The following ACOX2 variants were observed in gnomAD, a reference collection of about 807,000 sequenced individuals.
ACOX2 encodes peroxisomal acyl-coenzyme A oxidase 2.
ACOX2 carries 59 observed loss-of-function variants against 77.5 expected under a neutral mutation model. That is an observed-to-expected ratio of 0.76 (90% CI 0.62 to 0.95). The LOEUF (loss-of-function observed/expected upper bound fraction) is 0.95, where lower values mean the gene tolerates loss of function less well. Ranked by LOEUF, ACOX2 falls within the 40% of genes least tolerant of loss-of-function variation. ACOX2 has a pLI of 0.00. For missense variants in ACOX2, 837 were observed against 880.4 expected (o/e 0.95, Z 0.62); for synonymous variants, 317 against 340.1 (o/e 0.93, Z 0.75).
chr3:58,509,458 C>T (rs1047695456), intron 13 of ACOX2, among the ~76,000 whole-genome samples: 13 of 151,630 alleles, frequency 8.6e-5, no homozygotes, highest in Non-Finnish European at 1.5e-4. Flanking sequence ...ACCTAGGAGG[C>T]GGAGGTTGCA....
intron 13 of ACOX2, among the ~76,000 whole-genome samples, chr3:58,510,271 C>T (rs1466467646): frequency 6.6e-6 from 1 of 152,094 alleles, no homozygotes; most frequent in Non-Finnish European, 1.5e-5. Context: ...TAATGTCCCC[C>T]TGCCCCCTTG....
In ACOX2 at chr3:58,515,210, C is replaced by T. The variant is rs1489483138; in HGVS notation, c.1850+1996G>A. 3.3e-5 allele frequency among the ~76,000 whole-genome samples: 5 copies of T among 152,010 alleles called. No individual in the cohort carries two copies. The East Asian group carries it at 5.8e-4, about 18-fold the overall frequency. On this transcript the variant is annotated intron_variant, in intron 13 of 14. Coordinates refer to ENST00000302819, the MANE Select transcript of ACOX2 (RefSeq NM_003500.4). This position sits in a 1 kb window ranked among gnomAD's most constrained non-coding sequence, Gnocchi z 4.0. ...TAATTTTTGTATTTTTAGTAGAGAC[C>T]GGGTTTCACCATGTTGGCCAGGCTG...
chr3:58,529,378 A>ATAAC (rs2063420342), intron 8 of ACOX2, among the ~76,000 whole-genome samples: 1 of 152,182 alleles, frequency 6.6e-6, no homozygotes, highest in African/African-American at 2.4e-5. Context: ...AGCCTAAACA[A>ATAAC]TAACTCTTAG....
rs759266766 is a variant in ACOX2 at position 58,534,595 on chromosome 3, C to G, written c.161-73G>C. The G allele has an allele frequency of 6.2e-7, 1 of 1,611,866 alleles. No homozygotes were observed. The highest frequency in any genetic ancestry group is 1.1e-5 in the South Asian group (1 of 90,812). ...TGGCACCTTGAAATCTTCTCACCCA[C>G]TTGCTTCATGGATCTGGAAAGGAAG... On this transcript the variant is annotated intron_variant, in intron 2 of 14. Transcript: ENST00000302819. The surrounding 1 kb of genome is among the most constrained non-coding windows in gnomAD (Gnocchi z 4.8).
Position 58,519,430 on chromosome 3 carries a change from G to A in ACOX2, c.1633-2007C>T, listed in dbSNP as rs984484738. Among the ~76,000 whole-genome samples, 2 of 152,046 alleles carry A rather than the reference G, an allele frequency of 1.3e-5. No homozygotes were observed. Among genetic ancestry groups the A allele is most frequent in the Non-Finnish European group, 2.9e-5 (2 of 68,006 alleles). ...GGGGTTCAAAGGAGTTCACCCAGGC[G>A]GACATGAGTTGGGGGAAAGGTCATT... On this transcript the variant is annotated intron_variant, in intron 12 of 14. Transcript: ENST00000302819. The surrounding 1 kb of genome is among the most constrained non-coding windows in gnomAD (Gnocchi z 5.0).
Position 58,525,964 on chromosome 3 carries a change from C to T in ACOX2, c.1346+502G>A, listed in dbSNP as rs567658412. ...CCCGGCGGGCAGAGGTTGCAGTGAGCCGAGATTGCACCACTGCACTCCAGC... is the reference window on the plus strand; with the variant it reads ...CCCGGCGGGCAGAGGTTGCAGTGAGTCGAGATTGCACCACTGCACTCCAGC... On this transcript the variant is annotated intron_variant, in intron 10 of 14. Transcript: ENST00000302819. This position sits in a 1 kb window ranked among gnomAD's most constrained non-coding sequence, Gnocchi z 5.0. 5.9e-5 allele frequency among the ~76,000 whole-genome samples: 9 copies of T among 152,030 alleles called. No individual in the cohort carries two copies. Among genetic ancestry groups the T allele is most frequent in the East Asian group, 1.9e-4 (1 of 5,154 alleles).
rs2063360290 is a variant in ACOX2 at position 58,521,778 on chromosome 3, A to C, written c.1632+718T>G. 6.6e-6 allele frequency among the ~76,000 whole-genome samples: 1 copy of C among 152,190 alleles called. No individual in the cohort carries two copies. Among genetic ancestry groups the C allele is most frequent in the African/African-American group, 2.4e-5 (1 of 41,442 alleles). ...TCCCCTAGTCTCAGTCCTTCTCCTTAGGTCCTCCTTGGGAGATTTGCACTT... is the reference window on the plus strand; with the variant it reads ...TCCCCTAGTCTCAGTCCTTCTCCTTCGGTCCTCCTTGGGAGATTTGCACTT... On this transcript the variant is annotated intron_variant, in intron 12 of 14. Coordinates refer to ENST00000302819, the MANE Select transcript of ACOX2 (RefSeq NM_003500.4). The surrounding 1 kb of genome is among the most constrained non-coding windows in gnomAD (Gnocchi z 4.8).
chr3:58,534,050 G>A lies in ACOX2; in HGVS notation c.419C>T (p.Pro140Leu), dbSNP rs1353293432. The A allele has an allele frequency of 3.7e-6, 6 of 1,614,172 alleles. No individual in the cohort carries two copies. The highest frequency in any genetic ancestry group is 1.1e-5 in the South Asian group (1 of 91,082). ...GSEEQIAKWD[P>L]LCKNIQIIAT... The stretch of plus-strand genomic sequence containing the variant: ...GATGATCTGGATGTTTTTGCAGAGT[G>A]GGTCCCATTTGGCAATCTGCTCCTC... The change falls in exon 4 of 15, where the codon CCA becomes CTA. Residue 140 changes from proline to leucine, a missense_variant. By Grantham distance (98) the Pro-to-Leu change is moderately conservative. Coordinates refer to ENST00000302819, the MANE Select transcript of ACOX2 (RefSeq NM_003500.4). This position sits in a 1 kb window ranked among gnomAD's most constrained non-coding sequence, Gnocchi z 4.8.
intron 12 of ACOX2, among the ~76,000 whole-genome samples, chr3:58,518,578 G>A (rs2063338356): frequency 6.6e-6 from 1 of 152,222 alleles, no homozygotes; most frequent in Admixed American, 6.5e-5. Context: ...TGTCAGGTAG[G>A]ATATATGAGT....
Position 58,533,424 on chromosome 3 carries a change from G to A in ACOX2, c.583+21C>T, listed in dbSNP as rs185550614. The A allele has an allele frequency of 1.9e-5, 30 of 1,601,422 alleles. No individual in the cohort carries two copies. Among genetic ancestry groups the A allele is most frequent in the Admixed American group, 8.4e-5 (5 of 59,878 alleles). ...CTTCTACTTGGGGAGAGTTAAGGAA[G>A]GGGGGTGGATGTATACTCACAGTCT... On this transcript the variant is annotated intron_variant, in intron 5 of 14. Coordinates refer to ENST00000302819, the MANE Select transcript of ACOX2 (RefSeq NM_003500.4). The surrounding 1 kb of genome is among the most constrained non-coding windows in gnomAD (Gnocchi z 5.6).
At chr3:58,520,285 G>T (rs1214614249) in intron 12 of ACOX2, among the ~76,000 whole-genome samples, 1 of 149,338 alleles carries the variant, frequency 6.7e-6, no homozygotes, top group African/African-American at 2.5e-5. Flanking sequence ...TGGCTAGGAA[G>T]TGGTAGCAGT....
rs1490882176 is a variant in ACOX2 at position 58,512,373 on chromosome 3, G to A, written c.1851-3348C>T. 1.3e-5 allele frequency among the ~76,000 whole-genome samples: 2 copies of A among 152,162 alleles called. No homozygotes were observed. The highest frequency in any genetic ancestry group is 2.4e-5 in the African/African-American group (1 of 41,438). ...CACTCACTTGGATGATTGCATTAGC[G>A]ATCCAGCTGATCTCCCTGCTTTTCA... On this transcript the variant is annotated intron_variant, in intron 13 of 14. Transcript: ENST00000302819. This position sits in a 1 kb window ranked among gnomAD's most constrained non-coding sequence, Gnocchi z 4.8.
Position 58,514,330 on chromosome 3 carries a change from G to A in ACOX2, c.1850+2876C>T, listed in dbSNP as rs137903132. Among the ~76,000 whole-genome samples, 84 of 152,296 alleles carry A rather than the reference G, an allele frequency of 5.5e-4. No individual in the cohort carries two copies. The highest frequency in any genetic ancestry group is 1.9e-3 in the African/African-American group (81 of 41,560). ...TTTCAGTCCATTCACTGATGTTTTAGTAGGGTTTCGGGAAAGAACAGAAGT... is the reference window on the plus strand; with the variant it reads ...TTTCAGTCCATTCACTGATGTTTTAATAGGGTTTCGGGAAAGAACAGAAGT... On this transcript the variant is annotated intron_variant, in intron 13 of 14. Coordinates refer to ENST00000302819, the MANE Select transcript of ACOX2 (RefSeq NM_003500.4). The surrounding 1 kb of genome is among the most constrained non-coding windows in gnomAD (Gnocchi z 4.3).
At chr3:58,520,566 C>A (rs1159556489) in intron 12 of ACOX2, among the ~76,000 whole-genome samples, 1 of 152,234 alleles carries the variant, frequency 6.6e-6, no homozygotes, top group Non-Finnish European at 1.5e-5. Flanking sequence ...CCGTGGCTCC[C>A]CCTTGTCTAC....
rs1175707656 is a variant in ACOX2, at chr3:58,534,235, C to T, written c.324-90G>A. 7.0e-6 allele frequency: 11 copies of T among 1,578,998 alleles called. No individual in the cohort carries two copies. Among genetic ancestry groups the T allele is most frequent in the Non-Finnish European group, 8.6e-6 (10 of 1,164,906 alleles). Reference sequence around the variant, plus strand: ...TGAGCAGAGTACAGGAGATAAAGGGCACCTAGCATCCTGGTTTCCCAACAA... The same window carrying T: ...TGAGCAGAGTACAGGAGATAAAGGGTACCTAGCATCCTGGTTTCCCAACAA... On this transcript the variant is annotated intron_variant, in intron 3 of 14. Transcript: ENST00000302819. This position sits in a 1 kb window ranked among gnomAD's most constrained non-coding sequence, Gnocchi z 4.8.
intron 12 of ACOX2, among the ~76,000 whole-genome samples, chr3:58,518,474 A>G (rs2063337604): frequency 1.3e-5 from 2 of 152,182 alleles, no homozygotes; most frequent in South Asian, 4.1e-4. Flanking sequence ...CCCTAGGGCT[A>G]AAGTCCATTT....
In ACOX2 at chr3:58,523,787, G is replaced by A. The variant is rs540621733; in HGVS notation, c.1526+639C>T. Among the ~76,000 whole-genome samples the A allele has an allele frequency of 2.6e-5, 4 of 152,020 alleles. No individual in the cohort carries two copies. Among genetic ancestry groups the A allele is most frequent in the African/African-American group, 7.3e-5 (3 of 41,378 alleles). ...TTAATTTGGGGGCAGCATTCAGAAC[G>A]TTTTCTTTTTAGGTAGTTAAACCTC... On this transcript the variant is annotated intron_variant, in intron 11 of 14. Coordinates refer to ENST00000302819, the MANE Select transcript of ACOX2 (RefSeq NM_003500.4). This position sits in a 1 kb window ranked among gnomAD's most constrained non-coding sequence, Gnocchi z 5.3.
At position 58,529,575 on chromosome 3, in the gene ACOX2, A is replaced by G. The variant is rs377229659; in HGVS notation, c.993-619T>C. Among the ~76,000 whole-genome samples, 42 of 152,304 alleles carry G rather than the reference A, an allele frequency of 2.8e-4. No individual in the cohort carries two copies. The South Asian group carries it at 6.2e-3, about 23-fold the overall frequency. ...TGCTTACCTGGCGCATCTTTCTTATAACCACCCTGGGGACACTTCTGCAGC... is the reference window on the plus strand; with the variant it reads ...TGCTTACCTGGCGCATCTTTCTTATGACCACCCTGGGGACACTTCTGCAGC... On this transcript the variant is annotated intron_variant, in intron 8 of 14. Transcript: ENST00000302819.
intron 12 of ACOX2, among the ~76,000 whole-genome samples, chr3:58,520,564 C>G (rs2063351664): frequency 6.6e-6 from 1 of 152,248 alleles, no homozygotes; most frequent in Admixed American, 6.5e-5. Flanking sequence ...GCCCGTGGCT[C>G]CCCCTTGTCT....
Sources: gnomAD v4.1 joint callset for allele counts (sites outside exome capture counted in the v4.1 genomes callset) on GRCh38, gnomAD v4.1.1 for gene constraint, Gnocchi (gnomAD v3.1) non-coding constraint, MANE v1.5 for transcripts, NCBI Gene and HGNC (gene_info 2026-07-23, HGNC 2026-07-21) for gene names.